The following ASTN2 variants were observed in gnomAD, a reference collection of about 807,000 sequenced individuals.
ASTN2 encodes the protein astrotactin-2.
ASTN2 carries 54 observed loss-of-function variants against 139.8 expected under a neutral mutation model. The observed-to-expected ratio is 0.39, with a 90% CI of 0.31 to 0.48. ASTN2 has a LOEUF of 0.48. Among genes scored for constraint, ASTN2 ranks in the 20% least tolerant of loss-of-function variants. The pLI is 0.95. For synonymous variants in ASTN2, 756 were observed against 719.5 expected, an observed-to-expected ratio of 1.05 and a Z score of -0.81; for missense variants, 1,565 against 1,725.1, an observed-to-expected ratio of 0.91 and a Z score of 1.64.
intron 6 of ASTN2, among the ~76,000 whole-genome samples, chr9:117,010,291 A>T (rs1837482125): frequency 6.6e-6 from 1 of 152,146 alleles, no homozygotes; most frequent in Non-Finnish European, 1.5e-5. Context: ...AACATGTCAC[A>T]TGGGTCCTTG....
chr9:117,180,579 C>G (rs1831034781), intron 3 of ASTN2: 3 of 820,344 alleles, frequency 3.7e-6, no homozygotes, highest in African/African-American at 1.7e-5. Flanking sequence ...CATTTATTGA[C>G]TGCTTACTAT....
intron 2 of ASTN2, among the ~76,000 whole-genome samples, chr9:117,221,785 C>G (rs917986352): frequency 6.6e-6 from 1 of 151,992 alleles, no homozygotes; most frequent in Non-Finnish European, 1.5e-5. Flanking sequence ...TCCTTTCAGG[C>G]CCCAGTCTAT....
At chr9:117,402,460 A>T (rs1015272943) in intron 1 of ASTN2, among the ~76,000 whole-genome samples, 1 of 152,154 alleles carries the variant, frequency 6.6e-6, no homozygotes, top group Non-Finnish European at 1.5e-5. Context: ...AGCTTGAAAA[A>T]CTAGGCTAAT....
chr9:116,803,522 A>ATATT lies in ASTN2; in HGVS notation c.2396+2109_2396+2110insAATA, dbSNP rs1554748694. On this transcript the variant is annotated intron_variant, in intron 13 of 22. Coordinates refer to ENST00000313400, the MANE Select transcript of ASTN2 (RefSeq NM_001365068.1). The stretch of plus-strand genomic sequence containing the variant: ...TATATATATATATATATATATATAT[A>ATATT]TTTTTTTTTTTTTTTTTTTTTAGAC... Among the ~76,000 whole-genome samples, 28 of 21,122 alleles carry ATATT rather than the reference A, an allele frequency of 1.3e-3. 1 individual carries two copies. The highest frequency in any genetic ancestry group is 1.8e-3 in the African/African-American group (8 of 4,544). 13.9% of individuals were successfully genotyped at this position (21,122 alleles called of 152,430 possible).
intron 19 of ASTN2, among the ~76,000 whole-genome samples, chr9:116,500,580 T>A (rs1025490322): frequency 6.6e-6 from 1 of 152,184 alleles, no homozygotes. Context: ...CATGCTGATA[T>A]CAAATCTCCT....
At chr9:116,903,438 C>T (rs1834071949) in intron 10 of ASTN2, among the ~76,000 whole-genome samples, 1 of 152,148 alleles carries the variant, frequency 6.6e-6, no homozygotes, top group Non-Finnish European at 1.5e-5. Flanking sequence ...AACAGTATCT[C>T]CCATCTCACA....
intron 13 of ASTN2, among the ~76,000 whole-genome samples, chr9:116,803,522 A>ATATATATT (rs1554748694): frequency 4.7e-4 from 10 of 21,130 alleles, no homozygotes; most frequent in Non-Finnish European, 6.4e-4. Flanking sequence ...ATATATATAT[A>ATATATATT]TTTTTTTTTT....
rs567062207 is a variant in ASTN2 at position 117,167,757 on chromosome 9, C to T, written c.1016-26279G>A. Among the ~76,000 whole-genome samples the T allele has an allele frequency of 2.0e-5, 3 of 152,162 alleles. No individual in the cohort carries two copies. In the East Asian group the frequency reaches 5.8e-4, roughly 29 times the overall value. ...ATGTTACAGAAGTAGAGAGAGACAT[C>T]AAGTAATTTCATGAATGCCATGCAC... On this transcript the variant is annotated intron_variant, in intron 3 of 22. Coordinates refer to ENST00000313400, the MANE Select transcript of ASTN2 (RefSeq NM_001365068.1).
intron 17 of ASTN2, among the ~76,000 whole-genome samples, chr9:116,634,622 A>T (rs905354873): frequency 3.4e-5 from 5 of 148,444 alleles, no homozygotes; most frequent in Non-Finnish European, 7.5e-5. Flanking sequence ...AAAAATAAGC[A>T]AAATAATTTT....
At chr9:116,473,839 T>G (rs1367550025) in intron 20 of ASTN2, among the ~76,000 whole-genome samples, 1 of 151,798 alleles carries the variant, frequency 6.6e-6, no homozygotes, top group Non-Finnish European at 1.5e-5. Flanking sequence ...GAAGCGGAGG[T>G]TGCAGTGGGC....
At chr9:117,305,108 T>C (rs778971896) in intron 1 of ASTN2, among the ~76,000 whole-genome samples, 4 of 152,306 alleles carry the variant, frequency 2.6e-5, no homozygotes, top group South Asian at 2.1e-4. Context: ...GCAGGTGACA[T>C]GACAGAATGT....
intron 5 of ASTN2, among the ~76,000 whole-genome samples, chr9:117,058,776 G>A (rs1211774280): frequency 1.3e-5 from 2 of 152,184 alleles, no homozygotes; most frequent in South Asian, 2.1e-4. Context: ...GATCAGACAT[G>A]AAAATGCTAG....
At chr9:117,307,468 C>T (rs1298259563) in intron 1 of ASTN2, among the ~76,000 whole-genome samples, 1 of 152,186 alleles carries the variant, frequency 6.6e-6, no homozygotes, top group Non-Finnish European at 1.5e-5. Flanking sequence ...AACTTGCATC[C>T]TCATGTAGAT....
rs73655128 is a variant in ASTN2, at chr9:116,468,906, G to C, written c.3497+18453C>G. 4.3e-3 allele frequency among the ~76,000 whole-genome samples: 662 copies of C among 152,276 alleles called. 4 individuals are homozygous for C. Among genetic ancestry groups the C allele is most frequent in the African/African-American group, 0.015 (624 of 41,548 alleles). ...TGCTTCTCAGTAACTTTGCACATAT[G>C]ACCTCCTCTTCTTGGAAAATCATGT... On this transcript the variant is annotated intron_variant, in intron 20 of 22. Coordinates refer to ENST00000313400, the MANE Select transcript of ASTN2 (RefSeq NM_001365068.1).
At chr9:117,132,290 C>G (rs1829845371) in intron 4 of ASTN2, among the ~76,000 whole-genome samples, 1 of 152,216 alleles carries the variant, frequency 6.6e-6, no homozygotes, top group Non-Finnish European at 1.5e-5. Context: ...CAGACCAGAA[C>G]TAACCACCTG....
At chr9:116,841,366 G>T (rs1359276934) in intron 11 of ASTN2, among the ~76,000 whole-genome samples, 20 of 152,058 alleles carry the variant, frequency 1.3e-4, no homozygotes, top group South Asian at 4.1e-4. Flanking sequence ...GGGAGACCGT[G>T]GAAAGAGAGG....
In ASTN2 at chr9:116,748,484, A is replaced by G. The variant is rs1829311159; in HGVS notation, c.2397-14961T>C. ...AGCCCATATCCCTGTAACTTTCAGT[A>G]TGTTTCCAGTTCAATTAGGATCTTC... On this transcript the variant is annotated intron_variant, in intron 13 of 22. Transcript: ENST00000313400. Among the ~76,000 whole-genome samples, 8 of 152,322 alleles carry G rather than the reference A, an allele frequency of 5.3e-5. 1 individual carries two copies. The South Asian group carries it at 1.5e-3, about 28-fold the overall frequency.
intron 12 of ASTN2, among the ~76,000 whole-genome samples, chr9:116,813,771 A>G (rs1831228733): frequency 6.6e-6 from 1 of 152,198 alleles, no homozygotes; most frequent in Non-Finnish European, 1.5e-5. Context: ...GCGATGGCTC[A>G]TGCCTATAAT....
intron 2 of ASTN2, among the ~76,000 whole-genome samples, chr9:117,286,883 G>A (rs1834463463): frequency 6.6e-6 from 1 of 152,208 alleles, no homozygotes; most frequent in South Asian, 2.1e-4. Context: ...AGCACTTACA[G>A]AATGTCAGGC....
Sources: gnomAD v4.1 joint callset for allele counts (sites outside exome capture counted in the v4.1 genomes callset) on GRCh38, gnomAD v4.1.1 for gene constraint, MANE v1.5 for transcripts, NCBI Gene and HGNC (gene_info 2026-07-23, HGNC 2026-07-21) for gene names.